The following ENTPD2 variants were observed in gnomAD, a reference collection of about 807,000 sequenced individuals.
The protein encoded by ENTPD2 is ectonucleoside triphosphate diphosphohydrolase 2.
In ENTPD2, 48 loss-of-function variants were observed where a neutral mutation model predicts 46.8. The observed-to-expected ratio is 1.03, with a 90% CI of 0.81 to 1.30. The LOEUF is 1.30. ENTPD2 is among the 50% of genes most tolerant of loss of function. The pLI is 0.00. For synonymous variants in ENTPD2, 316 were observed against 286.1 expected (o/e 1.10, Z -1.06); for missense variants, 707 against 651.1 (o/e 1.09, Z -0.93).
chr9:137,048,635 G>A lies in ENTPD2; in HGVS notation c.*22C>T, dbSNP rs377553411. On this transcript the variant is annotated 3_prime_UTR_variant, in exon 9 of 9. Transcript: ENST00000355097. Reference sequence around the variant, plus strand: ...GGATACAGGGGTTGGGGGAGGGATGGGGCAGCTGCCCCCGTCGGCCCCTAA... The same window carrying A: ...GGATACAGGGGTTGGGGGAGGGATGAGGCAGCTGCCCCCGTCGGCCCCTAA... 7.2e-5 allele frequency: 111 copies of A among 1,546,382 alleles called. No individual in the cohort carries two copies. In the African/African-American group the frequency reaches 1.2e-3, roughly 16 times the overall value.
At position 137,048,792 on chromosome 9, in the gene ENTPD2, G is replaced by A. The variant is rs1832192399; in HGVS notation, c.1353C>T (p.Asp451=). The A allele has an allele frequency of 1.3e-6, 2 of 1,587,200 alleles. No homozygotes were observed. Among genetic ancestry groups the A allele is most frequent in the East Asian group, 2.2e-5 (1 of 44,446 alleles). ...MLNLTNLIPA[D]PPGLRKGTDF... Reference sequence around the variant, plus strand: ...CTGTGCCCTTGCGCAGCCCCGGCGGGTCGGCGGGGATCAGGTTGGTCAGGT... The same window carrying A: ...CTGTGCCCTTGCGCAGCCCCGGCGGATCGGCGGGGATCAGGTTGGTCAGGT... The change falls in exon 9 of 9, where the codon GAC becomes GAT. Residue 451 remains aspartate (D), a synonymous_variant. Coordinates refer to ENST00000355097, the MANE Select transcript of ENTPD2 (RefSeq NM_203468.3).
Position 137,048,374 on chromosome 9 carries a change from G to T in ENTPD2, c.*283C>A. 1 of 405,122 alleles carries T rather than the reference G, an allele frequency of 2.5e-6. No homozygotes were observed. The highest frequency in any genetic ancestry group is 4.5e-6 in the Non-Finnish European group (1 of 224,448). 25.1% of individuals were successfully genotyped at this position (405,122 alleles called of 1,614,324 possible). ...GCGCTCTTTGCCCACCCAGGCTCCTGTGGGTACCAGAGTCTCAGTTCCTAT... is the reference window on the plus strand; with the variant it reads ...GCGCTCTTTGCCCACCCAGGCTCCTTTGGGTACCAGAGTCTCAGTTCCTAT... On this transcript the variant is annotated 3_prime_UTR_variant, in exon 9 of 9. Transcript: ENST00000355097.
At chr9:137,050,860 G>A (rs1832273659) in intron 5 of ENTPD2, 42 bp downstream of exon 5, 3 of 1,586,540 alleles carry the variant, frequency 1.9e-6, no homozygotes, top group East Asian at 4.5e-5. Flanking sequence ...TCTGCTCCAG[G>A]AGGGAACAGT....
At position 137,051,258 on chromosome 9, in the gene ENTPD2, C is replaced by CCCCCT; in HGVS notation, c.494_498dup (p.Val167ArgfsTer7). 6.2e-7 allele frequency: 1 copy of CCCCCT among 1,612,892 alleles called. No individual in the cohort carries two copies. ...TAGTTGGCAGTCACCCAGCCAAACA[C>CCCCCT]CCCCTCTTCCTGGCCCGAGAGGATG... is the stretch of plus-strand genomic sequence containing the variant. On this transcript the variant is annotated frameshift_variant, in exon 4 of 9. Transcript: ENST00000355097. LOFTEE classifies it high-confidence loss of function.
At position 137,053,981 on chromosome 9, in the gene ENTPD2, C is replaced by A; in HGVS notation, c.17G>T (p.Arg6Leu). The A allele has an allele frequency of 8.2e-7, 1 of 1,218,934 alleles. No homozygotes were observed. The highest frequency in any genetic ancestry group is 1.6e-5 in the African/African-American group (1 of 63,720). 75.5% of individuals were successfully genotyped at this position (1,218,934 alleles called of 1,614,324 possible). A position where few individuals can be genotyped will look rare whatever the true frequency, so the allele number is the denominator to read the frequency against. Residue 6 changes from arginine to leucine, a missense_variant, in exon 1 of 9, where the codon CGG becomes CTG. Coordinates refer to ENST00000355097, the MANE Select transcript of ENTPD2 (RefSeq NM_203468.3). MAGKVRSLLPPLLLAA... is the reference protein window; with the variant it reads MAGKVLSLLPPLLLAA... Reference sequence around the variant, plus strand: ...CAGCAGCAGCGGCGGCAGCAGTGACCGCACCTTCCCGGCCATGGGCGGGCG... The same window carrying A: ...CAGCAGCAGCGGCGGCAGCAGTGACAGCACCTTCCCGGCCATGGGCGGGCG...
chr9:137,050,851 C>G, intron 5 of ENTPD2, 51 bp downstream of exon 5: 1 of 1,581,126 alleles, frequency 6.3e-7, no homozygotes, highest in Non-Finnish European at 8.6e-7. Context: ...TGTCCAGGCT[C>G]TGCTCCAGGA....
At chr9:137,052,002 C>G (rs1254502534) in intron 2 of ENTPD2, among the ~76,000 whole-genome samples, 1 of 151,842 alleles carries the variant, frequency 6.6e-6, no homozygotes, top group East Asian at 1.9e-4. Flanking sequence ...ATACTGGGCC[C>G]GGCGAGGCTC....
At position 137,048,984 on chromosome 9, in the gene ENTPD2, C is replaced by CAGCTGCTCAT. The variant is rs1564250835; in HGVS notation, c.1240_1241insATGAGCAGCT (p.Gly414AspfsTer228). 32 of 1,537,014 alleles carry CAGCTGCTCAT rather than the reference C, an allele frequency of 2.1e-5. No homozygotes were observed. The highest frequency in any genetic ancestry group is 1.8e-4 in the African/African-American group (13 of 72,778). The stretch of plus-strand genomic sequence containing the variant: ...GCCGCCGAAGGCGCGCTCGTCGAAG[C>CAGCTGCTCAT]CGTAGCCGCGACTCAGCAGCTGCTG... On this transcript the variant is annotated frameshift_variant, in exon 8 of 9. Coordinates refer to ENST00000355097, the MANE Select transcript of ENTPD2 (RefSeq NM_203468.3). LOFTEE classifies it low-confidence loss of function (END_TRUNC).
chr9:137,049,962 C>G lies in ENTPD2; in HGVS notation c.1057G>C (p.Asp353His). The G allele has an allele frequency of 8.1e-6, 13 of 1,612,668 alleles. No individual in the cohort carries two copies. Among genetic ancestry groups the G allele is most frequent in the Non-Finnish European group, 1.1e-5 (13 of 1,179,844 alleles). ...VAFSAFFYTV[D>H]FLRTSMGLPV... is the part of the protein sequence containing the mutation. ...AGCCCCATCGAAGTCCGCAAAAAGT[C>G]CACAGTGTAGAAGAAGGCAGAGAAG... is the stretch of plus-strand genomic sequence containing the variant. Residue 353 changes from aspartate (D) to histidine (H), a missense_variant, in exon 7 of 9, where the codon GAC (aspartate) becomes CAC (histidine). Physicochemically the swap from Asp to His is moderately conservative, Grantham distance 81. Coordinates refer to ENST00000355097, the MANE Select transcript of ENTPD2 (RefSeq NM_203468.3).
chr9:137,052,453 C>CCA (rs1554745461), intron 1 of ENTPD2, 105 bp from the exon 2 acceptor site: 1,437 of 843,456 alleles, frequency 1.7e-3, no homozygotes, highest in Non-Finnish European at 2.0e-3. Context: ...CTCCCCCCCC[C>CCA]ACCCAGTCAT....
intron 7 of ENTPD2, 172 bp from the exon 8 acceptor site, chr9:137,049,247 A>AC: frequency 8.7e-7 from 1 of 1,151,846 alleles, no homozygotes; most frequent in Non-Finnish European, 1.3e-6. Flanking sequence ...TCCGAGGGGC[A>AC]CCCCCGGCAG....
chr9:137,053,969 G>C lies in ENTPD2; in HGVS notation c.29C>G (p.Pro10Arg). 1 of 1,222,104 alleles carries C rather than the reference G, an allele frequency of 8.2e-7. No individual in the cohort carries two copies. Among genetic ancestry groups the C allele is most frequent in the Non-Finnish European group, 1.0e-6 (1 of 981,910 alleles). The allele number at this position is 1,222,104 out of a possible 1,614,324, so 75.7% of individuals were successfully genotyped here. A position where few individuals can be genotyped will look rare whatever the true frequency, so the allele number is the denominator to read the frequency against. MAGKVRSLL[P>R]PLLLAAAGLA... The stretch of plus-strand genomic sequence containing the variant: ...GCCCGCGGCGGCCAGCAGCAGCGGC[G>C]GCAGCAGTGACCGCACCTTCCCGGC... The change falls in exon 1 of 9, where the codon CCG becomes CGG. Residue 10 changes from proline to arginine, a missense_variant. Physicochemically the swap from Pro to Arg is moderately radical, Grantham distance 103. Transcript: ENST00000355097.
Position 137,048,291 on chromosome 9 carries a change from G to A in ENTPD2, c.*366C>T, listed in dbSNP as rs1832176078. 1 of 215,934 alleles carries A rather than the reference G, an allele frequency of 4.6e-6. No homozygotes were observed. The highest frequency in any genetic ancestry group is 9.3e-6 in the Non-Finnish European group (1 of 107,442). The allele number at this position is 215,934 out of a possible 1,614,324, so 13.4% of individuals were successfully genotyped here. ...CCTGAGGAGGAGGAGGAGGAGCACG[G>A]GGCCTGCAGTGATGCCCAGGCTGAA... On this transcript the variant is annotated 3_prime_UTR_variant, in exon 9 of 9. Transcript: ENST00000355097.
intron 5 of ENTPD2, 145 bp downstream of exon 5, chr9:137,050,757 G>T (rs1832271226): frequency 7.9e-6 from 10 of 1,260,674 alleles, no homozygotes; most frequent in Non-Finnish European, 1.1e-5. Flanking sequence ...CAGCCACTGG[G>T]CCTTTGCTCA....
Position 137,052,274 on chromosome 9 carries a change from G to T in ENTPD2, c.192C>A (p.Asn64Lys). 2 of 1,610,852 alleles carry T rather than the reference G, an allele frequency of 1.2e-6. No individual in the cohort carries two copies. The highest frequency in any genetic ancestry group is 1.7e-6 in the Non-Finnish European group (2 of 1,178,804). The change falls in exon 2 of 9, where the codon AAC becomes AAA. Residue 64 changes from asparagine (N) to lysine (K), a missense_variant. Physicochemically the swap from Asn to Lys is moderately conservative, Grantham distance 94 (BLOSUM62 0). Coordinates refer to ENST00000355097, the MANE Select transcript of ENTPD2 (RefSeq NM_203468.3). ...FIYKWPADKE[N>K]DTGIVGQHSS... Reference sequence around the variant, plus strand: ...TGTGCTGGCCCACAATGCCTGTGTCGTTCTCCTTGTCTGCCGGCCACTTGT... The same window carrying T: ...TGTGCTGGCCCACAATGCCTGTGTCTTTCTCCTTGTCTGCCGGCCACTTGT...
In ENTPD2 at chr9:137,050,284, C is replaced by CCGCCTATCCCTACCCACG. The variant is rs1554744879; in HGVS notation, c.1028_1029insCGTGGGTAGGGATAGGCG (p.Val343_Ala344insValGlyArgAspArgArg). Reference sequence around the variant, plus strand: ...CAGCCACCCGCCTGCCCCTACTCACCACAAAGTTCCCAGCCACTGGGGGCT... The same window carrying CCGCCTATCCCTACCCACG: ...CAGCCACCCGCCTGCCCCTACTCACCCGCCTATCCCTACCCACGACAAAGTTCCCAGCCACTGGGGGCT... On this transcript the variant is annotated inframe_insertion and splice_region_variant, in exon 6 of 9. Coordinates refer to ENST00000355097, the MANE Select transcript of ENTPD2 (RefSeq NM_203468.3). 1.4e-6 allele frequency: 1 copy of CCGCCTATCCCTACCCACG among 706,702 alleles called. No individual in the cohort carries two copies. Among genetic ancestry groups the CCGCCTATCCCTACCCACG allele is most frequent in the Non-Finnish European group, 1.8e-6 (1 of 541,000 alleles). The allele number at this position is 706,702 out of a possible 1,614,324, so 43.8% of individuals were successfully genotyped here.
At chr9:137,049,493 C>T (rs1373620769) in intron 7 of ENTPD2, 24 of 445,184 alleles carry the variant, frequency 5.4e-5, no homozygotes, top group Non-Finnish European at 9.4e-5. Context: ...GCTCACCACC[C>T]CGGTCCTGGG....
Position 137,048,950 on chromosome 9 carries a change from G to A in ENTPD2, c.1275C>T (p.Phe425=). Residue 425 remains phenylalanine (F), a synonymous_variant, in exon 8 of 9, where the codon TTC becomes TTT. Coordinates refer to ENST00000355097, the MANE Select transcript of ENTPD2 (RefSeq NM_203468.3). ...FDERAFGGVI[F]QKKAADTAVG... ...CCCCGCCCCAGCCCACCTTCTTCTG[G>A]AAGATCACGCCGCCGAAGGCGCGCT... 4 of 1,530,176 alleles carry A rather than the reference G, an allele frequency of 2.6e-6. No homozygotes were observed. The highest frequency in any genetic ancestry group is 3.5e-6 in the Non-Finnish European group (4 of 1,141,684). The allele number at this position is 1,530,176 out of a possible 1,614,324, so 94.8% of individuals were successfully genotyped here.
chr9:137,051,801 G>A (rs1314366126), intron 2 of ENTPD2, 141 bp from the exon 3 acceptor site: 17 of 1,319,718 alleles, frequency 1.3e-5, no homozygotes, highest in East Asian at 5.2e-5. Flanking sequence ...CCCCAGAAAC[G>A]CCCAGGTTGG....
Sources: allele counts gnomAD v4.1 joint callset (sites outside exome capture counted in the v4.1 genomes callset), GRCh38; gene constraint gnomAD v4.1.1; transcripts MANE v1.5; gene names NCBI Gene and HGNC (gene_info 2026-07-23, HGNC 2026-07-21).